The following SIPA1L1 variants were observed in gnomAD, a reference collection of about 807,000 sequenced individuals.
SIPA1L1 encodes signal induced proliferation associated 1 like 1.
Under a neutral mutation model 162.7 loss-of-function variants are expected in SIPA1L1, and 26 were observed. That is an observed-to-expected ratio of 0.16 (90% confidence interval 0.12 to 0.22). The LOEUF is 0.22. Among genes scored for constraint, SIPA1L1 ranks in the 10% least tolerant of loss-of-function variants. The pLI is 1.00. For synonymous variants in SIPA1L1, 829 were observed against 837.4 expected (o/e 0.99, Z 0.17); for missense variants, 1,874 against 2,241.0 (o/e 0.84, Z 3.31).
intron 2 of SIPA1L1, among the ~76,000 whole-genome samples, chr14:71,502,932 C>G (rs1374058704): frequency 6.6e-6 from 1 of 152,142 alleles, no homozygotes; most frequent in Non-Finnish European, 1.5e-5. Context: ...AATATTATCT[C>G]CATATTTTAT....
intron 10 of SIPA1L1, 95 bp from the exon 11 acceptor site, chr14:71,671,024 T>C: frequency 1.0e-6 from 1 of 960,686 alleles, no homozygotes; most frequent in East Asian, 2.4e-5. Flanking sequence ...ATTTTGTATC[T>C]GAGGTACATC....
intron 8 of SIPA1L1, among the ~76,000 whole-genome samples, chr14:71,651,461 G>A (rs1484327490): frequency 6.6e-6 from 1 of 152,186 alleles, no homozygotes; most frequent in Non-Finnish European, 1.5e-5. Flanking sequence ...ACTTGGAAAC[G>A]ACATGCAAGA....
rs143902778 is a variant in SIPA1L1, at chr14:71,447,305, C to T, written c.-464-65438C>T. ...TTGAAAATAACTTTATTCAAATGTT[C>T]ATAGCCTAAATAAGAGGCAGTTTAG... is the stretch of plus-strand genomic sequence containing the variant. On this transcript the variant is annotated intron_variant, in intron 2 of 23. Transcript: ENST00000381232. Among the ~76,000 whole-genome samples, 11 of 152,214 alleles carry T rather than the reference C, an allele frequency of 7.2e-5. 1 individual carries two copies. In the East Asian group the frequency reaches 2.1e-3, roughly 29 times the overall value.
intron 2 of SIPA1L1, among the ~76,000 whole-genome samples, chr14:71,437,190 C>A (rs2044456714): frequency 6.6e-6 from 1 of 152,038 alleles, no homozygotes; most frequent in Non-Finnish European, 1.5e-5. Context: ...AAATATTTCT[C>A]ATCTGCTTTT....
intron 12 of SIPA1L1, among the ~76,000 whole-genome samples, chr14:71,684,653 G>A (rs1268868131): frequency 1.3e-5 from 2 of 152,098 alleles, no homozygotes; most frequent in Non-Finnish European, 2.9e-5. Flanking sequence ...GTGGGGGTGT[G>A]AAGCTGCTCG....
At chr14:71,734,982 G>A (rs969283270) in intron 21 of SIPA1L1, among the ~76,000 whole-genome samples, 1 of 152,150 alleles carries the variant, frequency 6.6e-6, no homozygotes, top group African/African-American at 2.4e-5. Flanking sequence ...TGGAAATTTG[G>A]CACAAGGACT....
intron 4 of SIPA1L1, among the ~76,000 whole-genome samples, chr14:71,561,216 T>A (rs1362589238): frequency 1.3e-5 from 2 of 152,244 alleles, no homozygotes; most frequent in African/African-American, 4.8e-5. Flanking sequence ...TTTTCCCATG[T>A]AGTATAGTAC....
chr14:71,562,263 C>G (rs2056857822), intron 4 of SIPA1L1, among the ~76,000 whole-genome samples: 1 of 151,774 alleles, frequency 6.6e-6, no homozygotes, highest in Admixed American at 6.6e-5. Context: ...ATATTTGTAT[C>G]ATTTCATTTT....
intron 2 of SIPA1L1, among the ~76,000 whole-genome samples, chr14:71,477,652 GT>G (rs2047987846): frequency 6.6e-6 from 1 of 152,194 alleles, no homozygotes; most frequent in Admixed American, 6.5e-5. Context: ...TGCCTTGGAG[GT>G]TCATGCAATT....
intron 2 of SIPA1L1, among the ~76,000 whole-genome samples, chr14:71,396,095 CCTT>C (rs1056712146): frequency 1.3e-5 from 2 of 151,992 alleles, no homozygotes; most frequent in African/African-American, 4.8e-5. Flanking sequence ...GTCAGGATCT[CCTT>C]CTGTATGCAT....
intron 2 of SIPA1L1, among the ~76,000 whole-genome samples, chr14:71,476,768 C>T (rs899167445): frequency 5.3e-5 from 8 of 151,786 alleles, no homozygotes; most frequent in South Asian, 4.1e-4. Flanking sequence ...AGCTCTGCCT[C>T]GCGGGTTCAC....
intron 2 of SIPA1L1, among the ~76,000 whole-genome samples, chr14:71,330,028 A>G (rs1004323602): frequency 6.6e-6 from 1 of 152,206 alleles, no homozygotes; most frequent in East Asian, 1.9e-4. Context: ...ACTGATTTCT[A>G]TAATTAAAAT....
chr14:71,466,389 G>A (rs943969639), intron 2 of SIPA1L1, among the ~76,000 whole-genome samples: 3 of 152,142 alleles, frequency 2.0e-5, no homozygotes, highest in African/African-American at 7.2e-5. Flanking sequence ...AGGTGGTGTT[G>A]CCCACACTGC....
chr14:71,673,554 T>A (rs2044752730), intron 12 of SIPA1L1, among the ~76,000 whole-genome samples: 2 of 152,198 alleles, frequency 1.3e-5, no homozygotes, highest in African/African-American at 2.4e-5. Context: ...ATAGGCTATT[T>A]GTGTCTTTTA....
chr14:71,570,331 G>A (rs1174830689), intron 4 of SIPA1L1, among the ~76,000 whole-genome samples: 1 of 151,668 alleles, frequency 6.6e-6, no homozygotes, highest in African/African-American at 2.4e-5. Context: ...GGAGTGTAGT[G>A]GCATGATCTC....
intron 23 of SIPA1L1, among the ~76,000 whole-genome samples, 177 bp downstream of exon 23, chr14:71,738,502 G>T: frequency 6.6e-6 from 1 of 152,212 alleles, no homozygotes; most frequent in East Asian, 1.9e-4. Flanking sequence ...GGAGGCGTTC[G>T]GTGTCCGGTG....
At chr14:71,548,061 T>C (rs4902938) in intron 4 of SIPA1L1, among the ~76,000 whole-genome samples, 127,498 of 152,252 alleles carry the variant, frequency 0.84, 53,989 homozygotes, top group African/African-American at 0.95. Flanking sequence ...TGATTATTTT[T>C]AGATAATTAA....
chr14:71,467,348 A>T (rs2142071834), intron 2 of SIPA1L1: 1 of 152,308 alleles, frequency 6.6e-6, no homozygotes, highest in South Asian at 2.1e-4. Context: ...AATTTCTCCA[A>T]GAAGAAGCAT....
intron 2 of SIPA1L1, among the ~76,000 whole-genome samples, chr14:71,339,515 A>G (rs990095127): frequency 6.6e-6 from 1 of 151,672 alleles, no homozygotes; most frequent in Non-Finnish European, 1.5e-5. Flanking sequence ...GGCACTCACC[A>G]CTTCACCCGG....
Sources: gnomAD v4.1 joint callset for allele counts (sites outside exome capture counted in the v4.1 genomes callset) on GRCh38, gnomAD v4.1.1 for gene constraint, MANE v1.5 for transcripts, NCBI Gene and HGNC (gene_info 2026-07-23, HGNC 2026-07-21) for gene names.